MX2: variants seen among roughly 807,000 people sequenced by gnomAD.
MX2 encodes the protein MX dynamin like GTPase 2.
In MX2, 51 loss-of-function variants were observed where a neutral mutation model predicts 74.0. The observed-to-expected ratio is 0.69, with a 90% CI of 0.55 to 0.87. The LOEUF is 0.87. Among genes scored for constraint, MX2 ranks in the 40% least tolerant of loss-of-function variants. The pLI, the probability that MX2 is intolerant of heterozygous loss-of-function variation, is 0.00. For synonymous variants in MX2, 369 were observed against 339.3 expected, an observed-to-expected ratio of 1.09 and a Z score of -0.96; for missense variants, 832 against 908.7, an observed-to-expected ratio of 0.92 and a Z score of 1.09.
At chr21:41,381,358 A>G (rs1476985978) in intron 4 of MX2, among the ~76,000 whole-genome samples, 2 of 152,214 alleles carry the variant, frequency 1.3e-5, no homozygotes, top group Non-Finnish European at 2.9e-5. Flanking sequence ...ACAGCACACC[A>G]TATGTGCAGG....
intron 5 of MX2, among the ~76,000 whole-genome samples, chr21:41,384,142 C>A (rs1280660390): frequency 6.6e-6 from 1 of 152,164 alleles, no homozygotes; most frequent in Non-Finnish European, 1.5e-5. Context: ...TGCCTGCACC[C>A]CCTTGGCCCT....
Position 41,366,597 on chromosome 21 carries a change from C to T in MX2, c.-72+4542C>T, listed in dbSNP as rs1312535717. ...GGCAGGCAGAGGTCCTTCTCAGATG[C>T]TTTGGGTCCTGCCATTGAAAGGGAA... is the stretch of plus-strand genomic sequence containing the variant. On this transcript the variant is annotated intron_variant, in intron 1 of 13. Transcript: ENST00000330714. The surrounding 1 kb of genome is among the most constrained non-coding windows in gnomAD (Gnocchi z 4.5). 6.6e-6 allele frequency: 1 copy of T among 152,170 alleles called. No individual in the cohort carries two copies. The highest frequency in any genetic ancestry group is 1.5e-5 in the Non-Finnish European group (1 of 68,046). 9.4% of individuals were successfully genotyped at this position (152,170 alleles called of 1,614,324 possible).
chr21:41,382,195 T>C (rs982818737), intron 4 of MX2, among the ~76,000 whole-genome samples: 1 of 152,202 alleles, frequency 6.6e-6, no homozygotes, highest in African/African-American at 2.4e-5. Context: ...TCTTCTCGTC[T>C]TTTGGAAAGT....
intron 2 of MX2, 106 bp downstream of exon 2, chr21:41,377,261 C>T (rs926442549): frequency 5.4e-6 from 8 of 1,478,300 alleles, no homozygotes; most frequent in African/African-American, 4.2e-5. Flanking sequence ...TCTGCTCCTC[C>T]AGCACAGCTG....
chr21:41,395,624 T>C lies in MX2; in HGVS notation c.909T>C (p.Thr303=). The change falls in exon 7 of 14, where the codon ACT becomes ACC. Residue 303 remains threonine, a synonymous_variant. Coordinates refer to ENST00000330714, the MANE Select transcript of MX2 (RefSeq NM_002463.2). The part of the protein sequence containing the change: ...LTKPDLMDRG[T]EKSVMNVVRN... ...AACCAGATCTAATGGACAGGGGCAC[T>C]GAGAAAAGCGTCATGAATGTGGTGC... The C allele has an allele frequency of 6.2e-7, 1 of 1,614,164 alleles. No individual in the cohort carries two copies. The highest frequency in any genetic ancestry group is 8.5e-7 in the Non-Finnish European group (1 of 1,180,034).
In MX2 at chr21:41,402,121, A is replaced by G; in HGVS notation, c.1566A>G (p.Lys522=). Residue 522 remains lysine, a synonymous_variant, in exon 11 of 14, where the codon AAA becomes AAG. Coordinates refer to ENST00000330714, the MANE Select transcript of MX2 (RefSeq NM_002463.2). The surrounding 1 kb of genome is among the most constrained non-coding windows in gnomAD (Gnocchi z 4.5). The part of the protein sequence containing the change: ...LVEPALSMLQ[K]AMEIIQQAFI... ...AGCCCGCCCTTAGCATGCTCCAGAAAGCCATGGGTGAGGACTTTCAAGCAG... is the reference window on the plus strand; with the variant it reads ...AGCCCGCCCTTAGCATGCTCCAGAAGGCCATGGGTGAGGACTTTCAAGCAG... 6.2e-7 allele frequency: 1 copy of G among 1,613,100 alleles called. No individual in the cohort carries two copies.
chr21:41,364,610 T>C (rs553465118), intron 1 of MX2: 1 of 152,308 alleles, frequency 6.6e-6, no homozygotes, highest in Admixed American at 6.5e-5. Flanking sequence ...GTCAGAGTTC[T>C]CTAGAGGGAC....
At chr21:41,384,588 C>A (rs2089544014) in intron 5 of MX2, among the ~76,000 whole-genome samples, 1 of 152,186 alleles carries the variant, frequency 6.6e-6, no homozygotes, top group African/African-American at 2.4e-5. Context: ...TGGTTAATCC[C>A]TAACAGTGAG....
intron 4 of MX2, among the ~76,000 whole-genome samples, chr21:41,381,818 G>A (rs2089499142): frequency 6.6e-6 from 1 of 152,148 alleles, no homozygotes; most frequent in Non-Finnish European, 1.5e-5. Context: ...AAAACCATCT[G>A]GCAATCTTCA....
At chr21:41,373,339 C>A (rs1462491995) in intron 1 of MX2, among the ~76,000 whole-genome samples, 3 of 152,176 alleles carry the variant, frequency 2.0e-5, no homozygotes, top group Admixed American at 2.0e-4. Flanking sequence ...GGCCCAGGAG[C>A]CCCGGCTGTC....
intron 1 of MX2, among the ~76,000 whole-genome samples, chr21:41,375,383 A>T (rs568556287): frequency 6.6e-6 from 1 of 152,386 alleles, no homozygotes; most frequent in Non-Finnish European, 1.5e-5. Flanking sequence ...GCAAAAGACC[A>T]CAGACTGGGT....
At position 41,406,910 on chromosome 21, in the gene MX2, A is replaced by C; in HGVS notation, c.1817A>C (p.Asn606Thr). 6.2e-7 allele frequency: 1 copy of C among 1,614,164 alleles called. No homozygotes were observed. The highest frequency in any genetic ancestry group is 1.1e-5 in the South Asian group (1 of 91,084). ...AACCCTCTGGGGACGCCTTCACAGA[A>C]TATGAAGTTGAACTCTCATTTTCCC... ...IFNPLGTPSQNMKLNSHFPSN... is the reference protein window; with the variant it reads ...IFNPLGTPSQTMKLNSHFPSN... The change falls in exon 13 of 14, where the codon AAT (asparagine) becomes ACT (threonine). Residue 606 changes from asparagine (N) to threonine (T), a missense_variant. Physicochemically the swap from Asn to Thr is moderately conservative, Grantham distance 65. Coordinates refer to ENST00000330714, the MANE Select transcript of MX2 (RefSeq NM_002463.2).
chr21:41,394,371 C>G (rs1377254527), intron 6 of MX2, among the ~76,000 whole-genome samples: 1 of 152,142 alleles, frequency 6.6e-6, no homozygotes, highest in Non-Finnish European at 1.5e-5. Context: ...TTCTCCCTCC[C>G]CACTAGGCTG....
In MX2 at chr21:41,381,021, G is replaced by T. The variant is rs535108278; in HGVS notation, c.577+870G>T. On this transcript the variant is annotated intron_variant, in intron 4 of 13. Coordinates refer to ENST00000330714, the MANE Select transcript of MX2 (RefSeq NM_002463.2). ...TAGCAAACTCAGTGTCTGAGCGGGG[G>T]CCCTTTAGACGACCCTGTGGGCTCA... Among the ~76,000 whole-genome samples, 6 of 152,306 alleles carry T rather than the reference G, an allele frequency of 3.9e-5. No homozygotes were observed. In the East Asian group the frequency reaches 1.2e-3, roughly 29 times the overall value.
At chr21:41,390,373 G>A in intron 5 of MX2, 192 bp from the exon 6 acceptor site, 1 of 662,962 alleles carries the variant, frequency 1.5e-6, no homozygotes, top group Non-Finnish European at 2.6e-6. Flanking sequence ...AAGGACAAGT[G>A]GGAGGTCATC....
intron 1 of MX2, among the ~76,000 whole-genome samples, chr21:41,376,618 C>T (rs1313155494): frequency 2.0e-5 from 3 of 152,120 alleles, no homozygotes; most frequent in East Asian, 1.9e-4. Flanking sequence ...AGTCCACTGC[C>T]CCCCGTTCCC....
In MX2 at chr21:41,368,727, C is replaced by T. The variant is rs1016139615; in HGVS notation, c.-72+6672C>T. Among the ~76,000 whole-genome samples the T allele has an allele frequency of 3.9e-5, 6 of 152,226 alleles. No homozygotes were observed. The highest frequency in any genetic ancestry group is 1.4e-4 in the African/African-American group (6 of 41,462). On this transcript the variant is annotated intron_variant, in intron 1 of 13. Transcript: ENST00000330714. The surrounding 1 kb of genome is among the most constrained non-coding windows in gnomAD (Gnocchi z 4.6). ...AATATTGGGCTTCACAAAAGGAACCCTCCTTTCCCTTGTTCTTTCTTCCCA... is the reference window on the plus strand; with the variant it reads ...AATATTGGGCTTCACAAAAGGAACCTTCCTTTCCCTTGTTCTTTCTTCCCA...
At chr21:41,371,428 A>C (rs2089323515) in intron 1 of MX2, among the ~76,000 whole-genome samples, 1 of 152,086 alleles carries the variant, frequency 6.6e-6, no homozygotes, top group South Asian at 2.1e-4. Context: ...GAGGTCTGAA[A>C]AGTTTTTGCC....
In MX2 at chr21:41,368,639, ATGAGGG is replaced by A. The variant is rs889343741; in HGVS notation, c.-72+6599_-72+6604del. Among the ~76,000 whole-genome samples the A allele has an allele frequency of 2.6e-5, 4 of 152,188 alleles. No individual in the cohort carries two copies. The highest frequency in any genetic ancestry group is 1.9e-4 in the East Asian group (1 of 5,198). On this transcript the variant is annotated intron_variant, in intron 1 of 13. Transcript: ENST00000330714. The surrounding 1 kb of genome is among the most constrained non-coding windows in gnomAD (Gnocchi z 4.6). The stretch of plus-strand genomic sequence containing the variant: ...TTAGCAAGACCTGCCCTTCATGAAA[ATGAGGG>A]TGAGGGTGAGGGTGGCGACAGTTTT...
Sources: gnomAD v4.1 joint callset for allele counts (sites outside exome capture counted in the v4.1 genomes callset) on GRCh38, gnomAD v4.1.1 for gene constraint, Gnocchi (gnomAD v3.1) non-coding constraint, MANE v1.5 for transcripts, NCBI Gene and HGNC (gene_info 2026-07-23, HGNC 2026-07-21) for gene names.